The following EPHA6 variants were observed in gnomAD, a reference collection of about 807,000 sequenced individuals.
EPHA6 encodes the protein EPH receptor A6.
A neutral mutation model predicts 112.0 loss-of-function variants in EPHA6; 50 were observed. The ratio of observed to expected loss-of-function variants is 0.45; its 90% CI spans 0.36 to 0.56. The LOEUF is 0.56. Ranked by LOEUF, EPHA6 falls within the 20% of genes least tolerant of loss-of-function variation. The pLI is 0.00. For missense variants in EPHA6, 1,280 were observed against 1,417.4 expected (o/e 0.90, Z 1.56); for synonymous variants, 529 against 490.7 (o/e 1.08, Z -1.03).
chr3:97,104,249 G>A (rs530878329), intron 3 of EPHA6, among the ~76,000 whole-genome samples: 15 of 152,116 alleles, frequency 9.9e-5, no homozygotes, highest in East Asian at 1.9e-4. Context: ...TGCTTCCAGC[G>A]TTTGCCCATT....
chr3:97,319,251 A>G (rs1485414844), intron 5 of EPHA6, among the ~76,000 whole-genome samples: 1 of 151,662 alleles, frequency 6.6e-6, no homozygotes, highest in Non-Finnish European at 1.5e-5. Flanking sequence ...GGTAATTTTA[A>G]GATAATTCTA....
chr3:96,836,425 T>G (rs2107301750), intron 1 of EPHA6, among the ~76,000 whole-genome samples: 1 of 152,266 alleles, frequency 6.6e-6, no homozygotes. Context: ...GTGCTGATAA[T>G]CCTTGAAGGT....
chr3:96,939,958 G>T (rs1272893278), intron 2 of EPHA6, among the ~76,000 whole-genome samples: 1 of 152,124 alleles, frequency 6.6e-6, no homozygotes, highest in Non-Finnish European at 1.5e-5. Flanking sequence ...TTGCACTGTG[G>T]TCTGAGAGAC....
intron 3 of EPHA6, among the ~76,000 whole-genome samples, chr3:97,186,313 A>G (rs1044157396): frequency 6.6e-6 from 1 of 152,114 alleles, no homozygotes; most frequent in African/African-American, 2.4e-5. Flanking sequence ...TGACTAATCT[A>G]ATGCAGGCTG....
chr3:97,197,817 A>G (rs1009778080), intron 3 of EPHA6, among the ~76,000 whole-genome samples: 1 of 152,036 alleles, frequency 6.6e-6, no homozygotes, highest in Non-Finnish European at 1.5e-5. Flanking sequence ...ATTTTAGCCC[A>G]TGGTGGTGGG....
intron 10 of EPHA6, among the ~76,000 whole-genome samples, chr3:97,519,893 G>T (rs77790886): frequency 1.3e-5 from 2 of 150,668 alleles, no homozygotes; most frequent in East Asian, 1.9e-4. Flanking sequence ...TCTTGGTTGG[G>T]GTATTTTTGG....
chr3:97,668,381 C>G (rs1361667785), intron 14 of EPHA6, among the ~76,000 whole-genome samples: 1 of 152,190 alleles, frequency 6.6e-6, no homozygotes, highest in Non-Finnish European at 1.5e-5. Flanking sequence ...TGCCAAGATT[C>G]TGTAGACTTA....
intron 14 of EPHA6, among the ~76,000 whole-genome samples, chr3:97,646,973 T>G (rs2094069695): frequency 6.6e-6 from 1 of 152,092 alleles, no homozygotes; most frequent in African/African-American, 2.4e-5. Context: ...CATGACATAC[T>G]GGGCAAAGCT....
At chr3:97,466,299 T>C in intron 7 of EPHA6, 1 of 1,435,172 alleles carries the variant, frequency 7.0e-7, no homozygotes, top group Non-Finnish European at 9.8e-7. Context: ...TCAAGCAACA[T>C]AATAAACAAT....
chr3:97,031,712 G>T (rs2044853409), intron 3 of EPHA6, among the ~76,000 whole-genome samples: 1 of 152,076 alleles, frequency 6.6e-6, no homozygotes, highest in African/African-American at 2.4e-5. Context: ...ATCATCACTG[G>T]CCATCAGAGA....
intron 2 of EPHA6, among the ~76,000 whole-genome samples, chr3:96,918,182 CATAG>C (rs1410485202): frequency 6.6e-6 from 1 of 151,958 alleles, no homozygotes; most frequent in Non-Finnish European, 1.5e-5. Context: ...GATTATAAAT[CATAG>C]ATAGTAATAA....
chr3:97,003,159 G>T (rs1286090793), intron 3 of EPHA6, among the ~76,000 whole-genome samples: 1 of 152,076 alleles, frequency 6.6e-6, no homozygotes, highest in Non-Finnish European at 1.5e-5. Context: ...CCAGGCTGGA[G>T]TGCAATGGTG....
intron 14 of EPHA6, among the ~76,000 whole-genome samples, chr3:97,648,881 G>A (rs2094087114): frequency 6.6e-6 from 1 of 152,102 alleles, no homozygotes; most frequent in Non-Finnish European, 1.5e-5. Flanking sequence ...CACTGCTGGT[G>A]GAGCTGACAC....
intron 3 of EPHA6, among the ~76,000 whole-genome samples, chr3:97,210,627 G>T (rs561272865): frequency 6.6e-6 from 1 of 152,140 alleles, no homozygotes; most frequent in Non-Finnish European, 1.5e-5. Flanking sequence ...CTAATGATGA[G>T]AACTCGAATT....
intron 5 of EPHA6, among the ~76,000 whole-genome samples, chr3:97,338,070 C>A (rs2083140912): frequency 6.6e-6 from 1 of 151,898 alleles, no homozygotes; most frequent in Non-Finnish European, 1.5e-5. Flanking sequence ...GAAGAACTTT[C>A]AGATAATGGT....
rs757103646 is a variant in EPHA6 at position 97,586,335 on chromosome 3, A to G, written c.2387-6277A>G. On this transcript the variant is annotated intron_variant, in intron 11 of 17. Coordinates refer to ENST00000389672, the MANE Select transcript of EPHA6 (RefSeq NM_001080448.3). ...AAGGATACGCGAAATAAAGATCTCCATGGAGTAAAAGATGCATTTTTCCAA... is the reference window on the plus strand; with the variant it reads ...AAGGATACGCGAAATAAAGATCTCCGTGGAGTAAAAGATGCATTTTTCCAA... 9.2e-4 allele frequency among the ~76,000 whole-genome samples: 140 copies of G among 152,304 alleles called. 1 individual carries two copies. Among genetic ancestry groups the G allele is most frequent in the African/African-American group, 2.6e-3 (106 of 41,564 alleles).
intron 3 of EPHA6, among the ~76,000 whole-genome samples, chr3:97,016,040 GAA>G (rs1553688571): frequency 0.027 from 2,480 of 92,066 alleles, 57 homozygotes; most frequent in African/African-American, 0.058. Flanking sequence ...CATTCTTCCT[GAA>G]AAAAAAAAAA....
intron 2 of EPHA6, among the ~76,000 whole-genome samples, chr3:96,931,011 A>AG: frequency 7.2e-6 from 1 of 138,790 alleles, no homozygotes; most frequent in South Asian, 2.4e-4. Flanking sequence ...AAAAAAAAAA[A>AG]AAAAAAAAAA....
intron 5 of EPHA6, among the ~76,000 whole-genome samples, chr3:97,249,853 C>A (rs1417196730): frequency 1.3e-5 from 2 of 152,112 alleles, no homozygotes; most frequent in Non-Finnish European, 2.9e-5. Context: ...TGTTTAGCTT[C>A]TGGCAAGAAC....
Sources: gnomAD v4.1 joint callset for allele counts (sites outside exome capture counted in the v4.1 genomes callset) on GRCh38, gnomAD v4.1.1 for gene constraint, MANE v1.5 for transcripts, NCBI Gene and HGNC (gene_info 2026-07-23, HGNC 2026-07-21) for gene names.